CNTNAP2: variants seen among roughly 807,000 people sequenced by gnomAD.
CNTNAP2 encodes the protein contactin associated protein 2.
In CNTNAP2, 98 loss-of-function variants were observed where a neutral mutation model predicts 155.2. That is an observed-to-expected ratio of 0.63 (90% confidence interval 0.54 to 0.75). CNTNAP2 has a LOEUF of 0.75. CNTNAP2 is among the 30% of genes least tolerant of loss of function. CNTNAP2 has a pLI of 0.00. For missense variants in CNTNAP2, 1,727 were observed against 1,688.1 expected (o/e 1.02, Z -0.40); for synonymous variants, 651 against 631.2 (o/e 1.03, Z -0.47).
intron 11 of CNTNAP2, among the ~76,000 whole-genome samples, chr7:147,515,465 G>A (rs1799106940): frequency 6.6e-6 from 1 of 151,796 alleles, no homozygotes; most frequent in African/African-American, 2.4e-5. Context: ...TGGGACTACA[G>A]GCTTGTGATA....
intron 2 of CNTNAP2, among the ~76,000 whole-genome samples, chr7:146,808,042 G>A (rs1246217207): frequency 2.6e-5 from 4 of 152,134 alleles, no homozygotes; most frequent in African/African-American, 4.8e-5. Context: ...ATTATTGATA[G>A]GATGTTTCTG....
chr7:148,140,004 A>G (rs1457860348), intron 16 of CNTNAP2, among the ~76,000 whole-genome samples: 1 of 152,192 alleles, frequency 6.6e-6, no homozygotes, highest in Non-Finnish European at 1.5e-5. Context: ...AGTTCTGTAG[A>G]AGGACTCACA....
chr7:147,898,380 G>C (rs1442438769), intron 13 of CNTNAP2, among the ~76,000 whole-genome samples: 1 of 152,104 alleles, frequency 6.6e-6, no homozygotes, highest in Non-Finnish European at 1.5e-5. Context: ...TGTATTGTTT[G>C]TTTAGATATT....
chr7:147,540,038 A>G (rs1267927615), intron 11 of CNTNAP2, among the ~76,000 whole-genome samples: 11 of 152,190 alleles, frequency 7.2e-5, no homozygotes, highest in African/African-American at 1.9e-4. Flanking sequence ...GATACCAGAC[A>G]AAGGAAATTA....
At chr7:147,689,935 C>T (rs1445876417) in intron 13 of CNTNAP2, among the ~76,000 whole-genome samples, 2 of 152,098 alleles carry the variant, frequency 1.3e-5, no homozygotes, top group Admixed American at 1.3e-4. Flanking sequence ...AGCACCAATG[C>T]AAATTATACC....
chr7:147,290,576 G>A (rs561982306), intron 8 of CNTNAP2, among the ~76,000 whole-genome samples: 12 of 151,772 alleles, frequency 7.9e-5, no homozygotes, highest in African/African-American at 2.2e-4. Flanking sequence ...CCAGCTACTC[G>A]GGAGGTTGAG....
chr7:146,206,329 T>A (rs1176678936), intron 1 of CNTNAP2, among the ~76,000 whole-genome samples: 1 of 151,300 alleles, frequency 6.6e-6, no homozygotes, highest in African/African-American at 2.4e-5. Flanking sequence ...ATGAAACATA[T>A]ACGTGAAATT....
At chr7:146,879,707 G>T (rs537612046) in intron 3 of CNTNAP2, among the ~76,000 whole-genome samples, 16 of 152,092 alleles carry the variant, frequency 1.1e-4, no homozygotes, top group Admixed American at 9.9e-4. Context: ...AGAACAGCTT[G>T]TTTCTACATC....
At chr7:146,309,314 T>C (rs1215742986) in intron 1 of CNTNAP2, among the ~76,000 whole-genome samples, 1 of 152,136 alleles carries the variant, frequency 6.6e-6, no homozygotes, top group Non-Finnish European at 1.5e-5. Context: ...GGCTGTGTCC[T>C]GAAGAAGGGG....
At chr7:146,748,017 T>TA (rs200810827) in intron 1 of CNTNAP2, among the ~76,000 whole-genome samples, 2,041 of 149,486 alleles carry the variant, frequency 0.014, 46 homozygotes, top group African/African-American at 0.047. Flanking sequence ...TCTCCTTTTT[T>TA]TAAAAATTTT....
At chr7:146,969,413 T>C (rs1200995188) in intron 3 of CNTNAP2, among the ~76,000 whole-genome samples, 3 of 152,172 alleles carry the variant, frequency 2.0e-5, no homozygotes, top group Admixed American at 6.5e-5. Flanking sequence ...CAGTGGGGTG[T>C]TAAAGTCTCC....
intron 8 of CNTNAP2, among the ~76,000 whole-genome samples, chr7:147,143,918 A>G (rs952908742): frequency 1.4e-4 from 22 of 152,134 alleles, no homozygotes; most frequent in African/African-American, 3.4e-4. Context: ...TTCCCTTTGT[A>G]TTTATTTTTT....
At chr7:147,184,837 C>T (rs1355013006) in intron 8 of CNTNAP2, among the ~76,000 whole-genome samples, 1 of 152,166 alleles carries the variant, frequency 6.6e-6, no homozygotes, top group Non-Finnish European at 1.5e-5. Flanking sequence ...AAATTCAACA[C>T]TTCTAAATGC....
chr7:148,318,260 T>G (rs1168156808), intron 21 of CNTNAP2, among the ~76,000 whole-genome samples: 1 of 152,166 alleles, frequency 6.6e-6, no homozygotes, highest in Non-Finnish European at 1.5e-5. Context: ...AACCGCCCCC[T>G]GCAGAGAAGT....
chr7:147,885,329 T>C (rs1033395560), intron 13 of CNTNAP2, among the ~76,000 whole-genome samples: 19 of 152,158 alleles, frequency 1.2e-4, no homozygotes, highest in African/African-American at 4.6e-4. Context: ...AAACTCAGCT[T>C]GAGATATTCT....
intron 9 of CNTNAP2, among the ~76,000 whole-genome samples, chr7:147,390,731 C>T (rs898251723): frequency 2.0e-5 from 3 of 152,094 alleles, no homozygotes; most frequent in African/African-American, 7.2e-5. Context: ...CACCTTGTTA[C>T]TACTGCAACA....
chr7:147,047,436 T>C (rs1252102847), intron 4 of CNTNAP2, among the ~76,000 whole-genome samples: 1 of 152,048 alleles, frequency 6.6e-6, no homozygotes, highest in Non-Finnish European at 1.5e-5. Context: ...TTTTTTTAAG[T>C]GTTCAAGAAT....
At chr7:148,413,024 C>T (rs542809439) in intron 23 of CNTNAP2, among the ~76,000 whole-genome samples, 3 of 152,124 alleles carry the variant, frequency 2.0e-5, no homozygotes, top group South Asian at 4.2e-4. Context: ...AACTTGCATT[C>T]CTAGGATTAA....
chr7:147,741,560 GA>G (rs1796957592), intron 13 of CNTNAP2, among the ~76,000 whole-genome samples: 3 of 152,166 alleles, frequency 2.0e-5, no homozygotes, highest in Admixed American at 2.0e-4. Flanking sequence ...CTTTCTTCAG[GA>G]AACCTTTGAC....
Sources: gnomAD v4.1 joint callset for allele counts (sites outside exome capture counted in the v4.1 genomes callset) on GRCh38, gnomAD v4.1.1 for gene constraint, MANE v1.5 for transcripts, NCBI Gene and HGNC (gene_info 2026-07-23, HGNC 2026-07-21) for gene names.